The following FAM228B variants were observed in gnomAD, a reference collection of about 807,000 sequenced individuals.
FAM228B encodes family with sequence similarity 228 member B.
In FAM228B, 38 loss-of-function variants were observed where a neutral mutation model predicts 42.6. The observed-to-expected ratio is 0.89, with a 90% CI of 0.69 to 1.17. The LOEUF is 1.17. Ranked by LOEUF, FAM228B falls within the 50% of genes most tolerant of loss-of-function variation. FAM228B has a pLI of 0.00. For missense variants in FAM228B, 344 were observed against 367.3 expected, an observed-to-expected ratio of 0.94 and a Z score of 0.52; for synonymous variants, 109 against 122.3, an observed-to-expected ratio of 0.89 and a Z score of 0.72.
chr2:24,142,477 A>G (rs1025483968), intron 5 of FAM228B: 3 of 152,212 alleles, frequency 2.0e-5, no homozygotes, highest in Non-Finnish European at 2.9e-5. Flanking sequence ...TGCTCCTTCA[A>G]TACACATCTT....
At chr2:24,118,624 C>A (rs927167115), upstream of FAM228B, among the ~76,000 whole-genome samples, 1 of 152,100 alleles carries the variant, frequency 6.6e-6, no homozygotes, top group Non-Finnish European at 1.5e-5. Context: ...TGGATAGAAG[C>A]CTGAGATCTG....
intron 2 of FAM228B, chr2:24,081,013 T>C: frequency 6.2e-7 from 1 of 1,613,564 alleles, no homozygotes; most frequent in Non-Finnish European, 8.5e-7. Flanking sequence ...TAGCACATAG[T>C]CTCCAGCCTG....
chr2:24,078,538 A>C (rs1664860583), intron 1 of FAM228B, among the ~76,000 whole-genome samples: 1 of 151,740 alleles, frequency 6.6e-6, no homozygotes, highest in African/African-American at 2.4e-5. Context: ...TGCTGGTATC[A>C]ATTTGGTTTC....
At chr2:24,132,556 C>A (rs1243048219) in intron 2 of FAM228B, among the ~76,000 whole-genome samples, 1 of 137,428 alleles carries the variant, frequency 7.3e-6, no homozygotes, top group Admixed American at 7.9e-5. Context: ...AGGGATTCGA[C>A]TTCTTCCTCG....
At chr2:24,112,762 C>A (rs1029635398) in intron 3 of FAM228B, among the ~76,000 whole-genome samples, 1 of 152,142 alleles carries the variant, frequency 6.6e-6, no homozygotes, top group Non-Finnish European at 1.5e-5. Context: ...AGGAGAGTAG[C>A]CTTTTCTATT....
chr2:24,120,226 G>A (rs894148302), upstream of FAM228B, among the ~76,000 whole-genome samples: 5 of 151,774 alleles, frequency 3.3e-5, no homozygotes, highest in Non-Finnish European at 7.4e-5. Context: ...CCGAGATCGT[G>A]CCATTGCACT....
intron 10 of FAM228B, chr2:24,168,048 C>T (rs961740575): frequency 8.4e-6 from 2 of 239,474 alleles, no homozygotes; most frequent in Non-Finnish European, 1.7e-5. Flanking sequence ...AGGAACATAG[C>T]CTCTATCACC....
chr2:24,121,428 G>GA (rs762481430), upstream of FAM228B: 70 of 837,332 alleles, frequency 8.4e-5, no homozygotes, highest in Middle Eastern at 7.3e-4. Context: ...AATGGTTGGG[G>GA]AAAAAAAATC....
Position 24,169,154 on chromosome 2 carries a change from A to C in FAM228B, c.*15-202A>C, listed in dbSNP as rs1667507602. 6.6e-6 allele frequency among the ~76,000 whole-genome samples: 1 copy of C among 152,176 alleles called. No homozygotes were observed. The highest frequency in any genetic ancestry group is 1.5e-5 in the Non-Finnish European group (1 of 68,024). ...ATTTGACCATGTCCCTGAATCTCTC[A>C]GTGCTTCTGACTCCAGACAGCGCGA... is the stretch of plus-strand genomic sequence containing the variant. On this transcript the variant is annotated intron_variant, in intron 10 of 10. Coordinates refer to ENST00000615575, the MANE Select transcript of FAM228B (RefSeq NM_001145710.2). The surrounding 1 kb of genome is among the most constrained non-coding windows in gnomAD (Gnocchi z 4.2).
chr2:24,146,666 A>G (rs1666901204), intron 5 of FAM228B, 82 bp from the exon 6 acceptor site: 1 of 873,912 alleles, frequency 1.1e-6, no homozygotes, highest in South Asian at 1.7e-5. Context: ...AGAGCCATCC[A>G]TATGTGGATG....
At chr2:24,144,273 T>C (rs1666837041) in intron 5 of FAM228B, among the ~76,000 whole-genome samples, 1 of 151,934 alleles carries the variant, frequency 6.6e-6, no homozygotes, top group African/African-American at 2.4e-5. Context: ...GACCTGTCTC[T>C]ACAAAAAAAA....
At chr2:24,094,220 A>G (rs749954970) in intron 2 of FAM228B, among the ~76,000 whole-genome samples, 1 of 151,528 alleles carries the variant, frequency 6.6e-6, no homozygotes, top group South Asian at 2.1e-4. Context: ...CTGCAGGCAC[A>G]TGCCACCACA....
chr2:24,122,489 T>A, upstream of FAM228B: 3 of 1,614,200 alleles, frequency 1.9e-6, no homozygotes, highest in Non-Finnish European at 2.5e-6. Context: ...GTCCACATGC[T>A]TGGTTCCCAA....
chr2:24,147,183 A>G, intron 7 of FAM228B, 97 bp downstream of exon 7: 1 of 896,576 alleles, frequency 1.1e-6, no homozygotes, highest in Non-Finnish European at 1.6e-6. Context: ...TTTTAAAATT[A>G]TCATTTTTCT....
chr2:24,096,207 A>G (rs1665494142), intron 3 of FAM228B: 1 of 152,194 alleles, frequency 6.6e-6, no homozygotes, highest in African/African-American at 2.4e-5. Flanking sequence ...AAATTCTAAA[A>G]ATCAGAGTGC....
intron 2 of FAM228B, chr2:24,085,058 T>C (rs1665199385): frequency 6.6e-6 from 1 of 152,176 alleles, no homozygotes; most frequent in Admixed American, 6.5e-5. Context: ...AACTTCCTTC[T>C]CTCTAGGGAA....
intron 3 of FAM228B, among the ~76,000 whole-genome samples, chr2:24,108,247 C>T (rs143706536): frequency 9.1e-4 from 139 of 152,142 alleles, no homozygotes; most frequent in Non-Finnish European, 1.7e-3. Context: ...CTGAACAGAC[C>T]AATAATGAGT....
rs11886838 is a variant in FAM228B, at chr2:24,095,366, C to A, written c.-121+137C>A. 0.12 allele frequency: 18,119 copies of A among 152,196 alleles called. 1,261 individuals carry two copies. Among genetic ancestry groups the A allele is most frequent in the South Asian group, 0.18 (867 of 4,828 alleles). 9.4% of individuals were successfully genotyped at this position (152,196 alleles called of 1,614,324 possible). On this transcript the variant is annotated intron_variant, in intron 3 of 10. Transcript: ENST00000613899. This position sits in a 1 kb window ranked among gnomAD's most constrained non-coding sequence, Gnocchi z 4.8. ...TTTCCCTTTCCTAGCCAAGGGAAGCCGTGACAGACTACCTGGAAAAATGGG... is the reference window on the plus strand; with the variant it reads ...TTTCCCTTTCCTAGCCAAGGGAAGCAGTGACAGACTACCTGGAAAAATGGG...
intron 2 of FAM228B, among the ~76,000 whole-genome samples, chr2:24,127,253 C>G (rs1230148011): frequency 6.6e-6 from 1 of 152,176 alleles, no homozygotes; most frequent in African/African-American, 2.4e-5. Flanking sequence ...CAAGGTTTGT[C>G]CGTGTCAGAG....
Sources: allele counts gnomAD v4.1 joint callset (sites outside exome capture counted in the v4.1 genomes callset), GRCh38; gene constraint gnomAD v4.1.1; non-coding constraint Gnocchi (gnomAD v3.1); transcripts MANE v1.5; gene names NCBI Gene and HGNC (gene_info 2026-07-23, HGNC 2026-07-21).